The following PCK1 variants were observed in gnomAD, a reference collection of about 807,000 sequenced individuals.
PCK1 encodes the protein phosphoenolpyruvate carboxykinase 1, also known as phosphoenolpyruvate carboxykinase, cytosolic [GTP].
A neutral mutation model predicts 50.3 loss-of-function variants in PCK1; 44 were observed. The observed-to-expected ratio is 0.87, with a 90% CI of 0.69 to 1.12. The LOEUF is 1.12. PCK1 is among the 50% of genes most tolerant of loss of function. The pLI, the probability that PCK1 is intolerant of heterozygous loss-of-function variation, is 0.00. For synonymous variants in PCK1, 332 were observed against 314.3 expected (o/e 1.06, Z -0.59); for missense variants, 790 against 815.0 (o/e 0.97, Z 0.37).
rs946891987 is a variant in PCK1, at chr20:57,562,463, A to G, written c.406+211A>G. 3.0e-5 allele frequency: 19 copies of G among 625,158 alleles called. No individual in the cohort carries two copies. The African/African-American group carries it at 3.3e-4, about 11-fold the overall frequency. The allele number at this position is 625,158 out of a possible 1,614,324, so 38.7% of individuals were successfully genotyped here. A position where few individuals can be genotyped will look rare whatever the true frequency, so the allele number is the denominator to read the frequency against. ...ACAAACGTGAAAACTAGTTCCATGC[A>G]TATGGGTTTTAAATAGCTTGGTGGG... is the stretch of plus-strand genomic sequence containing the variant. On this transcript the variant is annotated intron_variant, in intron 3 of 9. Coordinates refer to ENST00000319441, the MANE Select transcript of PCK1 (RefSeq NM_002591.4).
In PCK1 at chr20:57,565,839, C is replaced by T. The variant is rs1016415684; in HGVS notation, c.*35C>T. The T allele has an allele frequency of 4.0e-6, 6 of 1,488,682 alleles. No homozygotes were observed. Among genetic ancestry groups the T allele is most frequent in the East Asian group, 2.3e-5 (1 of 43,764 alleles). 92.2% of individuals were successfully genotyped at this position (1,488,682 alleles called of 1,614,324 possible). On this transcript the variant is annotated 3_prime_UTR_variant, in exon 10 of 10. Transcript: ENST00000319441. ...GAGTGCTTTACCTTTAAAATCATTCCCTTTCCCATCCATAAGGTGCAGTAG... is the reference window on the plus strand; with the variant it reads ...GAGTGCTTTACCTTTAAAATCATTCTCTTTCCCATCCATAAGGTGCAGTAG...
chr20:57,563,093 A>G lies in PCK1; in HGVS notation c.676A>G (p.Arg226Gly), dbSNP rs1349890290. 1 of 1,614,142 alleles carries G rather than the reference A, an allele frequency of 6.2e-7. No individual in the cohort carries two copies. The highest frequency in any genetic ancestry group is 1.1e-5 in the South Asian group (1 of 91,088). Residue 226 changes from arginine (R) to glycine (G), a missense_variant, in exon 5 of 10, where the codon AGA becomes GGA. Arg to Gly is a moderately radical substitution (Grantham distance 125). Coordinates refer to ENST00000319441, the MANE Select transcript of PCK1 (RefSeq NM_002591.4). ...GCTCATCGCCCACCTGCCTGACCGC[A>G]GAGAGATCATCTCCTTTGGCAGTGG... is the stretch of plus-strand genomic sequence containing the variant. ...LTLIAHLPDRREIISFGSGYG... is the reference protein window; with the variant it reads ...LTLIAHLPDRGEIISFGSGYG...
chr20:57,565,822 T>C lies in PCK1; in HGVS notation c.*18T>C, dbSNP rs764509931. On this transcript the variant is annotated 3_prime_UTR_variant, in exon 10 of 10. Coordinates refer to ENST00000319441, the MANE Select transcript of PCK1 (RefSeq NM_002591.4). ...AGATGTAATCAGGGCCTGAGTGCTT[T>C]ACCTTTAAAATCATTCCCTTTCCCA... is the stretch of plus-strand genomic sequence containing the variant. The C allele has an allele frequency of 1.3e-6, 2 of 1,560,704 alleles. No homozygotes were observed. The highest frequency in any genetic ancestry group is 1.7e-6 in the Non-Finnish European group (2 of 1,149,132).
rs1262063234 is a variant in PCK1 at position 57,561,641 on chromosome 20, C to G, written c.224+6C>G. On this transcript the variant is annotated splice_donor_region_variant and intron_variant, in intron 2 of 9. Transcript: ENST00000319441. ...CTGAAGAAGTATGACAACTGGTAAG[C>G]TCGGCCCCCGCTGCCTGTCCCAGCA... is the stretch of plus-strand genomic sequence containing the variant. 1 of 1,594,894 alleles carries G rather than the reference C, an allele frequency of 6.3e-7. No individual in the cohort carries two copies. Among genetic ancestry groups the G allele is most frequent in the Admixed American group, 1.7e-5 (1 of 60,008 alleles).
chr20:57,565,094 C>G lies in PCK1; in HGVS notation c.1373C>G (p.Ala458Gly), dbSNP rs370747699. ...TGGCAACATGGAGTCTTTGTGGGGG[C>G]GGCCATGAGATCAGAGGCCACAGCG... ...LSWQHGVFVG[A>G]AMRSEATAAA... is the part of the protein sequence containing the mutation. Residue 458 changes from alanine (A) to glycine (G), a missense_variant, in exon 9 of 10, where the codon GCG (alanine) becomes GGG (glycine). Ala to Gly is a moderately conservative substitution (Grantham distance 60). Coordinates refer to ENST00000319441, the MANE Select transcript of PCK1 (RefSeq NM_002591.4). The G allele has an allele frequency of 6.2e-7, 1 of 1,613,744 alleles. No homozygotes were observed. Among genetic ancestry groups the G allele is most frequent in the African/African-American group, 1.3e-5 (1 of 74,900 alleles).
rs200152114 is a variant in PCK1 at position 57,561,604 on chromosome 20, A to G, written c.193A>G (p.Ile65Val). ...RLLGQMEEEG[I>V]LRRLKKYDNC... The stretch of plus-strand genomic sequence containing the variant: ...TCTGGGCCAGATGGAGGAAGAGGGC[A>G]TCCTCAGGCGGCTGAAGAAGTATGA... Residue 65 changes from isoleucine (I) to valine (V), a missense_variant, in exon 2 of 10, where the codon ATC (isoleucine) becomes GTC (valine). Coordinates refer to ENST00000319441, the MANE Select transcript of PCK1 (RefSeq NM_002591.4). 120 of 1,612,854 alleles carry G rather than the reference A, an allele frequency of 7.4e-5. No individual in the cohort carries two copies. Among genetic ancestry groups the G allele is most frequent in the Non-Finnish European group, 9.5e-5 (112 of 1,179,598 alleles).
rs756951264 is a variant in PCK1 at position 57,561,651 on chromosome 20, G to A, written c.224+16G>A. On this transcript the variant is annotated intron_variant, in intron 2 of 9. Coordinates refer to ENST00000319441, the MANE Select transcript of PCK1 (RefSeq NM_002591.4). ...ATGACAACTGGTAAGCTCGGCCCCC[G>A]CTGCCTGTCCCAGCACCCTGCAGGC... The A allele has an allele frequency of 1.0e-5, 16 of 1,560,742 alleles. No homozygotes were observed. Among genetic ancestry groups the A allele is most frequent in the East Asian group, 9.0e-5 (4 of 44,674 alleles).
At chr20:57,563,831 C>T (rs1201858708) in intron 6 of PCK1, 104 bp downstream of exon 6, 2 of 972,888 alleles carry the variant, frequency 2.1e-6, no homozygotes, top group African/African-American at 1.6e-5. Flanking sequence ...GATTTTTAAA[C>T]TCTGTTAGTC....
At chr20:57,563,424 C>A in intron 5 of PCK1, 141 bp from the exon 6 acceptor site, 1 of 700,120 alleles carries the variant, frequency 1.4e-6, no homozygotes, top group South Asian at 1.9e-5. Context: ...ATCCTTTGGA[C>A]TTCATGATTC....
chr20:57,562,186 G>T lies in PCK1; in HGVS notation c.340G>T (p.Gly114Cys). ...CCCCAAAACAGGCCTCAGCCAGCTC[G>T]GTCGCTGGATGTCAGAGGAGGATTT... ...PIPKTGLSQL[G>C]RWMSEEDFEK... is the part of the protein sequence containing the mutation. Residue 114 changes from glycine (G) to cysteine (C), a missense_variant, in exon 3 of 10, where the codon GGT (glycine) becomes TGT (cysteine). Coordinates refer to ENST00000319441, the MANE Select transcript of PCK1 (RefSeq NM_002591.4). 2.5e-6 allele frequency: 4 copies of T among 1,614,128 alleles called. No homozygotes were observed. Among genetic ancestry groups the T allele is most frequent in the Non-Finnish European group, 3.4e-6 (4 of 1,179,970 alleles).
chr20:57,563,295 G>T (rs560968694), intron 5 of PCK1, 80 bp downstream of exon 5: 2 of 1,296,634 alleles, frequency 1.5e-6, no homozygotes, highest in South Asian at 1.3e-5. Flanking sequence ...GTTCCCACCC[G>T]TCAGCACACC....
At position 57,565,444 on chromosome 20, in the gene PCK1, C is replaced by T. The variant is rs1418087038; in HGVS notation, c.1509C>T (p.His503=). ...YLAHWLSMAQ[H]PAAKLPKIFH... is the part of the protein sequence containing the mutation. ...CCCACTGGCTTAGCATGGCCCAGCA[C>T]CCAGCAGCCAAACTGCCCAAGATCT... is the stretch of plus-strand genomic sequence containing the variant. The change falls in exon 10 of 10, where the codon CAC becomes CAT. Residue 503 remains histidine, a synonymous_variant. Transcript: ENST00000319441. 1.2e-6 allele frequency: 2 copies of T among 1,614,144 alleles called. No homozygotes were observed. Among genetic ancestry groups the T allele is most frequent in the Non-Finnish European group, 1.7e-6 (2 of 1,179,986 alleles).
Position 57,566,010 on chromosome 20 carries a change from A to C in PCK1, c.*206A>C. 2.0e-6 allele frequency: 1 copy of C among 490,956 alleles called. No individual in the cohort carries two copies. The highest frequency in any genetic ancestry group is 3.6e-6 in the Non-Finnish European group (1 of 280,724). 30.4% of individuals were successfully genotyped at this position (490,956 alleles called of 1,614,324 possible). A position where few individuals can be genotyped will look rare whatever the true frequency, so the allele number is the denominator to read the frequency against. ...AGTAGCTAATGAAATTGAGAAGGGA[A>C]ATCTTAGCATGCCTCCAAAAATTCA... is the stretch of plus-strand genomic sequence containing the variant. On this transcript the variant is annotated 3_prime_UTR_variant, in exon 10 of 10. Coordinates refer to ENST00000319441, the MANE Select transcript of PCK1 (RefSeq NM_002591.4).
Position 57,565,252 on chromosome 20 carries a change from G to C in PCK1, c.1415-98G>C, listed in dbSNP as rs556368169. 3 of 1,305,218 alleles carry C rather than the reference G, an allele frequency of 2.3e-6. No individual in the cohort carries two copies. In the South Asian group the frequency reaches 3.7e-5, roughly 16 times the overall value. The allele number at this position is 1,305,218 out of a possible 1,614,324, so 80.9% of individuals were successfully genotyped here. ...GTGGGGAGAGAGAGAGAGAGAAAGA[G>C]AGAGAGGAGAACAAAGCATGCTAAT... On this transcript the variant is annotated intron_variant, in intron 9 of 9. Transcript: ENST00000319441.
chr20:57,565,017 T>C, intron 8 of PCK1, 23 bp from the exon 9 acceptor site: 1 of 1,550,468 alleles, frequency 6.4e-7, no homozygotes, highest in Non-Finnish European at 8.9e-7. Flanking sequence ...GATGAACATT[T>C]CTCTTTTTTT....
intron 8 of PCK1, chr20:57,564,826 T>C (rs1286157122): frequency 4.8e-6 from 3 of 628,072 alleles, no homozygotes; most frequent in South Asian, 4.0e-5. Context: ...TGATCTATTG[T>C]AGCTTGATCA....
rs1337464300 is a variant in PCK1 at position 57,565,412 on chromosome 20, T to C, written c.1477T>C (p.Tyr493His). 3 of 1,614,188 alleles carry C rather than the reference T, an allele frequency of 1.9e-6. No individual in the cohort carries two copies. The highest frequency in any genetic ancestry group is 2.2e-5 in the South Asian group (2 of 91,082). The change falls in exon 10 of 10, where the codon TAC becomes CAC. Residue 493 changes from tyrosine (Y) to histidine (H), a missense_variant. Coordinates refer to ENST00000319441, the MANE Select transcript of PCK1 (RefSeq NM_002591.4). ...CTTCTTTGGCTACAACTTCGGCAAA[T>C]ACCTGGCCCACTGGCTTAGCATGGC... ...RPFFGYNFGK[Y>H]LAHWLSMAQH...
chr20:57,564,448 G>A (rs754383680), intron 7 of PCK1, 34 bp from the exon 8 acceptor site: 12 of 1,614,086 alleles, frequency 7.4e-6, no homozygotes, highest in East Asian at 2.2e-5. Context: ...GCCTGTTTGA[G>A]CCAGGCACTC....
rs768301740 is a variant in PCK1, at chr20:57,565,570, T to C, written c.1635T>C (p.Asp545=). 3.1e-6 allele frequency: 5 copies of C among 1,614,172 alleles called. No homozygotes were observed. Among genetic ancestry groups the C allele is most frequent in the Admixed American group, 1.7e-5 (1 of 60,030 alleles). ...RVLEWMFNRI[D]GKASTKLTPI... is the part of the protein sequence containing the mutation. ...TGGAGTGGATGTTCAACCGGATCGA[T>C]GGAAAAGCCAGCACCAAGCTCACGC... is the stretch of plus-strand genomic sequence containing the variant. Residue 545 remains aspartate (D), a synonymous_variant, in exon 10 of 10, where the codon GAT becomes GAC. Transcript: ENST00000319441.
Sources: gnomAD v4.1 joint callset for allele counts on GRCh38, gnomAD v4.1.1 for gene constraint, MANE v1.5 for transcripts, NCBI Gene and HGNC (gene_info 2026-07-23, HGNC 2026-07-21) for gene names.